The following CSGALNACT1 variants were observed in gnomAD, a reference collection of about 807,000 sequenced individuals.
CSGALNACT1 encodes the protein beta4GalNAcT-1.
A neutral mutation model predicts 51.0 loss-of-function variants in CSGALNACT1; 52 were observed. The observed-to-expected ratio is 1.02, with a 90% CI of 0.82 to 1.29. The LOEUF is 1.29. Ranked by LOEUF, CSGALNACT1 falls within the 50% of genes most tolerant of loss-of-function variation. The pLI is 0.00. For missense variants in CSGALNACT1, 935 were observed against 679.2 expected (o/e 1.38, Z -4.19); for synonymous variants, 341 against 254.4 (o/e 1.34, Z -3.24).
At chr8:19,670,499 G>T (rs2059706297) in intron 1 of CSGALNACT1, among the ~76,000 whole-genome samples, 1 of 151,222 alleles carries the variant, frequency 6.6e-6, no homozygotes, top group African/African-American at 2.5e-5. Flanking sequence ...GCCTTCTAAG[G>T]TGCTGGAATC....
chr8:19,494,100 C>CA (rs1443179295), intron 4 of CSGALNACT1, among the ~76,000 whole-genome samples: 1 of 152,216 alleles, frequency 6.6e-6, no homozygotes, highest in Non-Finnish European at 1.5e-5. Context: ...AGGTAGCACA[C>CA]AAAATGCATA....
intron 1 of CSGALNACT1, among the ~76,000 whole-genome samples, chr8:19,672,434 T>C (rs1398995375): frequency 1.3e-5 from 2 of 152,176 alleles, no homozygotes; most frequent in African/African-American, 4.8e-5. Flanking sequence ...CCTTTCACCG[T>C]AAGGAGTGAG....
chr8:19,609,387 AAC>A (rs2051864038), intron 1 of CSGALNACT1, among the ~76,000 whole-genome samples: 1 of 149,622 alleles, frequency 6.7e-6, no homozygotes, highest in East Asian at 1.9e-4. Context: ...ATAGATGGGA[AAC>A]ACAGATGTTT....
intron 3 of CSGALNACT1, among the ~76,000 whole-genome samples, chr8:19,556,289 T>C (rs1373825998): frequency 6.6e-6 from 1 of 151,418 alleles, no homozygotes; most frequent in Non-Finnish European, 1.5e-5. Context: ...GGCAGGAGAA[T>C]CGCTTGAACC....
chr8:19,724,703 G>C (rs950679968), intron 1 of CSGALNACT1, among the ~76,000 whole-genome samples: 2 of 152,218 alleles, frequency 1.3e-5, no homozygotes, highest in Non-Finnish European at 2.9e-5. Flanking sequence ...AAGATACAAC[G>C]AAGGTGCAAT....
rs1181357555 is a variant in CSGALNACT1, at chr8:19,547,181, AGTGTT to A, written c.-296-41056_-296-41052del. ...CACAGGACAAAGCAAAAATGCCAGC[AGTGTT>A]TTGTTAAAAGTCTGCTCCTCCTTTG... On this transcript the variant is annotated intron_variant, in intron 3 of 9. Transcript: ENST00000454498. 3.9e-5 allele frequency among the ~76,000 whole-genome samples: 6 copies of A among 152,306 alleles called. No individual in the cohort carries two copies. In the East Asian group the frequency reaches 9.7e-4, roughly 25 times the overall value.
intron 4 of CSGALNACT1, among the ~76,000 whole-genome samples, chr8:19,468,663 G>C (rs549170578): frequency 6.6e-6 from 1 of 152,156 alleles, no homozygotes; most frequent in South Asian, 2.1e-4. Context: ...AATGTTGTTA[G>C]AAAATGTCAT....
At chr8:19,657,719 G>A (rs1269321623) in intron 1 of CSGALNACT1, among the ~76,000 whole-genome samples, 5 of 152,216 alleles carry the variant, frequency 3.3e-5, no homozygotes, top group African/African-American at 9.6e-5. Context: ...GTTCTAGACA[G>A]TGTTGTAAGA....
At chr8:19,590,167 T>C (rs1177818393) in intron 3 of CSGALNACT1, among the ~76,000 whole-genome samples, 1 of 152,186 alleles carries the variant, frequency 6.6e-6, no homozygotes, top group East Asian at 1.9e-4. Flanking sequence ...TTAAGACACA[T>C]ATTTGAGTGG....
upstream of CSGALNACT1, among the ~76,000 whole-genome samples, chr8:19,684,732 A>T (rs1041681874): frequency 6.6e-6 from 1 of 152,206 alleles, no homozygotes; most frequent in Non-Finnish European, 1.5e-5. Flanking sequence ...GCCAGGTTCC[A>T]ATCAAAAAGC....
At chr8:19,637,864 CAT>C (rs1294862266) in intron 1 of CSGALNACT1, among the ~76,000 whole-genome samples, 1 of 136,848 alleles carries the variant, frequency 7.3e-6, no homozygotes, top group African/African-American at 2.8e-5. Flanking sequence ...TTTAAACAAA[CAT>C]AGAAGAAGTG....
intron 3 of CSGALNACT1, among the ~76,000 whole-genome samples, chr8:19,535,500 T>C (rs1019953757): frequency 6.6e-6 from 1 of 152,240 alleles, no homozygotes; most frequent in Non-Finnish European, 1.5e-5. Flanking sequence ...AATACACTTA[T>C]ATAAACTAGT....
At chr8:19,565,465 T>C (rs1202986752) in intron 3 of CSGALNACT1, among the ~76,000 whole-genome samples, 1 of 152,234 alleles carries the variant, frequency 6.6e-6, no homozygotes, top group Non-Finnish European at 1.5e-5. Context: ...CATTCATTCA[T>C]CTCAGGTAGT....
upstream of CSGALNACT1, chr8:19,682,901 C>G: frequency 2.8e-6 from 1 of 356,772 alleles, no homozygotes; most frequent in Non-Finnish European, 5.6e-6. Flanking sequence ...CAAGCAACCC[C>G]ATGACCATAT....
At chr8:19,497,749 A>T (rs922337522) in intron 4 of CSGALNACT1, among the ~76,000 whole-genome samples, 1 of 152,184 alleles carries the variant, frequency 6.6e-6, no homozygotes, top group Non-Finnish European at 1.5e-5. Flanking sequence ...GAGAAAAGTC[A>T]AACTGTGAAC....
intron 1 of CSGALNACT1, among the ~76,000 whole-genome samples, chr8:19,664,658 C>CACACAT (rs2059038025): frequency 6.6e-6 from 1 of 150,992 alleles, no homozygotes; most frequent in African/African-American, 2.5e-5. Context: ...CACACACACA[C>CACACAT]ACACACATAC....
Position 19,549,467 on chromosome 8 carries a change from A to T in CSGALNACT1, c.-297+41693T>A, listed in dbSNP as rs373220731. Reference sequence around the variant, plus strand: ...ACACAGAACTAGAAAACTGATAGATAAACAATTAGGTACTTTTTCCAATTT... The same window carrying T: ...ACACAGAACTAGAAAACTGATAGATTAACAATTAGGTACTTTTTCCAATTT... On this transcript the variant is annotated intron_variant, in intron 3 of 9. Coordinates refer to ENST00000454498, the Ensembl canonical transcript of CSGALNACT1. Among the ~76,000 whole-genome samples, 17 of 152,246 alleles carry T rather than the reference A, an allele frequency of 1.1e-4. No homozygotes were observed. The East Asian group carries it at 3.3e-3, about 29-fold the overall frequency.
intron 3 of CSGALNACT1, among the ~76,000 whole-genome samples, chr8:19,590,843 G>T (rs2047665757): frequency 6.6e-6 from 1 of 151,704 alleles, no homozygotes. Flanking sequence ...TAGAGACGGG[G>T]TTTCACCATG....
At chr8:19,457,802 A>G in intron 5 of CSGALNACT1, 3 of 1,351,436 alleles carry the variant, frequency 2.2e-6, no homozygotes, top group Non-Finnish European at 2.9e-6. Flanking sequence ...ACATCTAAAA[A>G]CTTCATCAGC....
Sources: allele counts gnomAD v4.1 joint callset (sites outside exome capture counted in the v4.1 genomes callset), GRCh38; gene constraint gnomAD v4.1.1; transcripts MANE v1.5; gene names NCBI Gene and HGNC (gene_info 2026-07-23, HGNC 2026-07-21).